CMSS1: variants seen among roughly 807,000 people sequenced by gnomAD.
CMSS1 encodes the protein protein CMSS1.
Under a neutral mutation model 43.5 loss-of-function variants are expected in CMSS1, and 33 were observed. That is an observed-to-expected ratio of 0.76 (90% CI 0.57 to 1.01). The LOEUF (loss-of-function observed/expected upper bound fraction) is 1.01, where lower values mean the gene tolerates loss of function less well. CMSS1 is among the 50% of genes least tolerant of loss of function. CMSS1 has a pLI of 0.00. For synonymous variants in CMSS1, 115 were observed against 117.2 expected, an observed-to-expected ratio of 0.98 and a Z score of 0.12; for missense variants, 313 against 326.4, an observed-to-expected ratio of 0.96 and a Z score of 0.32.
At chr3:99,926,582 A>G (rs1284309804) in intron 1 of CMSS1, among the ~76,000 whole-genome samples, 1 of 152,254 alleles carries the variant, frequency 6.6e-6, no homozygotes, top group Admixed American at 6.5e-5. Context: ...CTTAGAAAAT[A>G]CATTCAATTT....
intron 1 of CMSS1, among the ~76,000 whole-genome samples, chr3:100,080,971 T>C (rs150108665): frequency 6.6e-6 from 1 of 152,332 alleles, no homozygotes; most frequent in Non-Finnish European, 1.5e-5. Context: ...TTGCAGAAGA[T>C]AAAAAGGAGT....
intron 1 of CMSS1, among the ~76,000 whole-genome samples, chr3:99,948,335 T>A: frequency 6.6e-6 from 1 of 151,260 alleles, no homozygotes; most frequent in African/African-American, 2.4e-5. Flanking sequence ...TCCAAAAAAA[T>A]AAAAAAATTA....
At chr3:99,839,555 C>T (rs1486147365) in intron 1 of CMSS1, among the ~76,000 whole-genome samples, 1 of 152,306 alleles carries the variant, frequency 6.6e-6, no homozygotes, top group East Asian at 1.9e-4. Flanking sequence ...CAATTCCCTT[C>T]TCCCCCGACT....
At chr3:99,893,200 C>G (rs1160054573) in intron 1 of CMSS1, among the ~76,000 whole-genome samples, 2 of 137,218 alleles carry the variant, frequency 1.5e-5, no homozygotes, top group African/African-American at 2.7e-5. Flanking sequence ...GAGTCTCACT[C>G]TGTTGCCCAG....
chr3:99,955,134 C>T (rs1163920217), intron 1 of CMSS1, among the ~76,000 whole-genome samples: 1 of 152,174 alleles, frequency 6.6e-6, no homozygotes, highest in Non-Finnish European at 1.5e-5. Context: ...TTCAAGGCCC[C>T]TTTCAATTCT....
At chr3:100,130,950 C>A (rs2066701347) in intron 1 of CMSS1, among the ~76,000 whole-genome samples, 1 of 152,148 alleles carries the variant, frequency 6.6e-6, no homozygotes, top group African/African-American at 2.4e-5. Flanking sequence ...GGAACCAAAT[C>A]ACAGTGTTCC....
At chr3:100,135,321 A>C (rs1218980230) in intron 1 of CMSS1, among the ~76,000 whole-genome samples, 1 of 152,184 alleles carries the variant, frequency 6.6e-6, no homozygotes, top group Non-Finnish European at 1.5e-5. Context: ...CAAACATTTA[A>C]AACAAACTAG....
intron 1 of CMSS1, among the ~76,000 whole-genome samples, chr3:100,062,457 A>T (rs1196551931): frequency 6.6e-6 from 1 of 151,774 alleles, no homozygotes. Flanking sequence ...TTAAGCCTTA[A>T]CTTCATTACT....
intron 1 of CMSS1, among the ~76,000 whole-genome samples, chr3:99,855,477 G>T (rs1320984615): frequency 6.6e-6 from 1 of 152,098 alleles, no homozygotes; most frequent in Admixed American, 6.6e-5. Flanking sequence ...TAATTCTCAT[G>T]ACAAATTTAC....
intron 1 of CMSS1, among the ~76,000 whole-genome samples, chr3:99,962,924 A>G (rs763228271): frequency 6.6e-5 from 10 of 152,210 alleles, no homozygotes; most frequent in Non-Finnish European, 1.5e-4. Flanking sequence ...TTCATGGCCG[A>G]GATAAATAAA....
At chr3:99,858,803 CCATTA>C (rs1944100884) in intron 1 of CMSS1, among the ~76,000 whole-genome samples, 1 of 152,202 alleles carries the variant, frequency 6.6e-6, no homozygotes. Flanking sequence ...ACTTTAAGAA[CCATTA>C]CTCCAGAGGA....
intron 1 of CMSS1, among the ~76,000 whole-genome samples, chr3:100,045,609 A>C (rs574012006): frequency 6.6e-6 from 1 of 152,122 alleles, no homozygotes; most frequent in South Asian, 2.1e-4. Context: ...ATGATTTCTG[A>C]GGCTGCCCCC....
intron 1 of CMSS1, among the ~76,000 whole-genome samples, chr3:99,960,489 A>G (rs191162776): frequency 1.3e-5 from 2 of 152,344 alleles, no homozygotes; most frequent in East Asian, 3.9e-4. Flanking sequence ...TAGAAGCAAC[A>G]TTCTGATTAG....
At chr3:100,076,434 T>G (rs1206334888) in intron 1 of CMSS1, among the ~76,000 whole-genome samples, 2 of 152,252 alleles carry the variant, frequency 1.3e-5, no homozygotes, top group Non-Finnish European at 2.9e-5. Context: ...ATTGTCAGCA[T>G]GTGCTGAGCC....
intron 1 of CMSS1, among the ~76,000 whole-genome samples, chr3:100,138,920 T>C (rs2066778691): frequency 1.3e-5 from 2 of 152,156 alleles, no homozygotes; most frequent in South Asian, 4.1e-4. Flanking sequence ...CTATTTACAA[T>C]AGCAAAGTCA....
intron 1 of CMSS1, among the ~76,000 whole-genome samples, chr3:99,915,316 C>G (rs1706918297): frequency 6.6e-6 from 1 of 152,198 alleles, no homozygotes; most frequent in African/African-American, 2.4e-5. Context: ...TATTTTACCT[C>G]TCCCATACTC....
chr3:100,095,165 T>G (rs2066182981), intron 1 of CMSS1, among the ~76,000 whole-genome samples: 1 of 152,214 alleles, frequency 6.6e-6, no homozygotes. Context: ...ATAGGTACAC[T>G]GATTCCTCCC....
chr3:99,954,357 T>C (rs1708259962), intron 1 of CMSS1, among the ~76,000 whole-genome samples: 1 of 152,200 alleles, frequency 6.6e-6, no homozygotes, highest in African/African-American at 2.4e-5. Flanking sequence ...GTATCTCACA[T>C]AATAATCCAG....
Position 100,180,744 on chromosome 3 carries a change from T to G in CMSS1, c.*2356T>G, listed in dbSNP as rs886312232. 4.6e-5 allele frequency: 7 copies of G among 152,218 alleles called. No individual in the cohort carries two copies. Among genetic ancestry groups the G allele is most frequent in the Admixed American group, 6.5e-5 (1 of 15,286 alleles). The allele number at this position is 152,218 out of a possible 1,614,324, so 9.4% of individuals were successfully genotyped here. ...CTGATCCTTCCAAACTGTTGCAACT[T>G]CTCCCCGTTACCCAGTTTCAAAGTT... On this transcript the variant is annotated 3_prime_UTR_variant, in exon 10 of 10. Transcript: ENST00000421999.
Sources: gnomAD v4.1 joint callset for allele counts (sites outside exome capture counted in the v4.1 genomes callset) on GRCh38, gnomAD v4.1.1 for gene constraint, MANE v1.5 for transcripts, NCBI Gene and HGNC (gene_info 2026-07-23, HGNC 2026-07-21) for gene names.